SLC44A3: variants seen among roughly 807,000 people sequenced by gnomAD.
SLC44A3 encodes choline transporter-like protein 3.
In SLC44A3, 74 loss-of-function variants were observed where a neutral mutation model predicts 75.4. The observed-to-expected ratio is 0.98, with a 90% confidence interval of 0.81 to 1.19. The LOEUF is 1.19. Among genes scored for constraint, SLC44A3 ranks in the 50% most tolerant of loss-of-function variants. The pLI is 0.00. For missense variants in SLC44A3, 700 were observed against 778.6 expected (o/e 0.90, Z 1.20); for synonymous variants, 310 against 296.9 (o/e 1.04, Z -0.45).
intron 11 of SLC44A3, 102 bp downstream of exon 11, chr1:94,865,001 G>A: frequency 7.7e-7 from 1 of 1,290,534 alleles, no homozygotes; most frequent in Non-Finnish European, 1.1e-6. Flanking sequence ...TGTGACCTGT[G>A]ACAGCGGGCC....
At chr1:94,865,202 G>C (rs1667017530) in intron 11 of SLC44A3, among the ~76,000 whole-genome samples, 1 of 152,130 alleles carries the variant, frequency 6.6e-6, no homozygotes, top group Non-Finnish European at 1.5e-5. Flanking sequence ...AAACAGACGG[G>C]ATGAACTCTT....
intron 12 of SLC44A3, among the ~76,000 whole-genome samples, chr1:94,879,573 T>C (rs1285727771): frequency 1.4e-5 from 2 of 139,934 alleles, no homozygotes; most frequent in African/African-American, 5.4e-5. Context: ...GGCGCAGTGG[T>C]TCATGCCTGT....
At chr1:94,860,964 T>C (rs1048894201) in intron 10 of SLC44A3, among the ~76,000 whole-genome samples, 3 of 151,758 alleles carry the variant, frequency 2.0e-5, no homozygotes, top group African/African-American at 2.4e-5. Flanking sequence ...GAAAAGAAAA[T>C]GGAACTGAGG....
At position 94,864,843 on chromosome 1, in the gene SLC44A3, G is replaced by A. The variant is rs769429169; in HGVS notation, c.1339G>A (p.Val447Met). ...TVVKGSFLIS[V>M]VRIPRIIVMY... is the part of the protein sequence containing the mutation. ...TGTGAAAGGGTCATTTTTAATCTCT[G>A]TGGTGAGGATTCCGAGAATCATTGT... is the stretch of plus-strand genomic sequence containing the variant. The change falls in exon 11 of 15, where the codon GTG becomes ATG. Residue 447 changes from valine to methionine, a missense_variant. Physicochemically the swap from Val to Met is conservative, Grantham distance 21. Transcript: ENST00000271227. 4 of 1,614,026 alleles carry A rather than the reference G, an allele frequency of 2.5e-6. No individual in the cohort carries two copies. In the South Asian group the frequency reaches 3.3e-5, roughly 13 times the overall value.
Position 94,824,651 on chromosome 1 carries a change from A to G in SLC44A3, c.278+16A>G. The G allele has an allele frequency of 1.9e-6, 3 of 1,554,790 alleles. No individual in the cohort carries two copies. The highest frequency in any genetic ancestry group is 2.6e-6 in the Non-Finnish European group (3 of 1,155,326). ...CCCTAAAAAAGTAAGTATCTAAATAAGTCCCCAGTCTGTAAGGAACTGTAC... is the reference window on the plus strand; with the variant it reads ...CCCTAAAAAAGTAAGTATCTAAATAGGTCCCCAGTCTGTAAGGAACTGTAC... On this transcript the variant is annotated intron_variant, in intron 3 of 14. Coordinates refer to ENST00000271227, the MANE Select transcript of SLC44A3 (RefSeq NM_001114106.3).
In SLC44A3 at chr1:94,837,821, G is replaced by A; in HGVS notation, c.620G>A (p.Gly207Glu). The A allele has an allele frequency of 1.2e-6, 2 of 1,612,274 alleles. No individual in the cohort carries two copies. The highest frequency in any genetic ancestry group is 2.7e-5 in the African/African-American group (2 of 74,920). The change falls in exon 6 of 15, where the codon GGA becomes GAA. Residue 207 changes from glycine (G) to glutamate (E), a missense_variant. Coordinates refer to ENST00000271227, the MANE Select transcript of SLC44A3 (RefSeq NM_001114106.3). ...GACACCCTCCACCGAATTCTAAGTG[G>A]AATCATGTCGGGAAGAGATACAATC... ...DVDTLHRILS[G>E]IMSGRDTILG...
intron 12 of SLC44A3, among the ~76,000 whole-genome samples, chr1:94,884,201 C>T (rs1345087240): frequency 1.3e-5 from 2 of 152,236 alleles, no homozygotes; most frequent in Non-Finnish European, 2.9e-5. Flanking sequence ...GCTGCAGCCC[C>T]AGGGGACTGG....
chr1:94,884,246 G>A (rs1027775352), intron 12 of SLC44A3, among the ~76,000 whole-genome samples: 2 of 151,606 alleles, frequency 1.3e-5, no homozygotes, highest in East Asian at 3.9e-4. Context: ...TTGGATGTTT[G>A]TTTGCATCCT....
At chr1:94,841,002 T>C (rs1340024393) in intron 7 of SLC44A3, among the ~76,000 whole-genome samples, 1 of 152,182 alleles carries the variant, frequency 6.6e-6, no homozygotes, top group Non-Finnish European at 1.5e-5. Context: ...TTCTGAGAAA[T>C]GCATCACTCA....
rs1486293647 is a variant in SLC44A3, at chr1:94,891,006, ATTTG to A, written c.1483-121_1483-118del. On this transcript the variant is annotated intron_variant, in intron 12 of 14. Coordinates refer to ENST00000271227, the MANE Select transcript of SLC44A3 (RefSeq NM_001114106.3). Reference sequence around the variant, plus strand: ...GACTGGAAAGGACTTTGAAAATGGTATTTGTTATGGGTAGAGAGAGTAGGTTTAT... The same window carrying A: ...GACTGGAAAGGACTTTGAAAATGGTATTATGGGTAGAGAGAGTAGGTTTAT... 9.9e-6 allele frequency: 7 copies of A among 706,762 alleles called. No homozygotes were observed. In the East Asian group the frequency reaches 2.0e-4, roughly 20 times the overall value. The allele number at this position is 706,762 out of a possible 1,614,324, so 43.8% of individuals were successfully genotyped here. A position where few individuals can be genotyped will look rare whatever the true frequency, so the allele number is the denominator to read the frequency against.
At chr1:94,835,360 T>C (rs1186338839) in intron 5 of SLC44A3, among the ~76,000 whole-genome samples, 1 of 152,196 alleles carries the variant, frequency 6.6e-6, no homozygotes, top group East Asian at 1.9e-4. Flanking sequence ...AATTAGATCC[T>C]GGAATAGAAA....
intron 5 of SLC44A3, among the ~76,000 whole-genome samples, chr1:94,831,492 A>G (rs1662124967): frequency 6.6e-6 from 1 of 152,222 alleles, no homozygotes. Context: ...GTGAGGTATA[A>G]CGTACCCTTT....
At position 94,864,751 on chromosome 1, in the gene SLC44A3, A is replaced by G. The variant is rs1472909644; in HGVS notation, c.1247A>G (p.Asn416Ser). 1 of 1,611,958 alleles carries G rather than the reference A, an allele frequency of 6.2e-7. No homozygotes were observed. The highest frequency in any genetic ancestry group is 1.3e-5 in the African/African-American group (1 of 74,818). The change falls in exon 11 of 15, where the codon AAT becomes AGT. Residue 416 changes from asparagine to serine, a missense_variant. Coordinates refer to ENST00000271227, the MANE Select transcript of SLC44A3 (RefSeq NM_001114106.3). The stretch of plus-strand genomic sequence containing the variant: ...CTTTTCCCTATTTCCAGAAGTAAAA[A>G]TGATCCTCCTGATCATCCCATCCTT... The part of the protein sequence containing the change: ...VVTCYFNRSK[N>S]DPPDHPILSS...
In SLC44A3 at chr1:94,839,282, G is replaced by A. The variant is rs529351467; in HGVS notation, c.671-666G>A. On this transcript the variant is annotated intron_variant, in intron 6 of 14. Coordinates refer to ENST00000271227, the MANE Select transcript of SLC44A3 (RefSeq NM_001114106.3). Reference sequence around the variant, plus strand: ...TTAGAACTTTACATAAGCCCAGTATGAAGTCAAAAGATTTAAGTATGATAA... The same window carrying A: ...TTAGAACTTTACATAAGCCCAGTATAAAGTCAAAAGATTTAAGTATGATAA... Among the ~76,000 whole-genome samples the A allele has an allele frequency of 8.8e-5, 12 of 136,760 alleles. No individual in the cohort carries two copies. In the South Asian group the frequency reaches 2.5e-3, roughly 28 times the overall value. The allele number at this position is 136,760 out of a possible 152,430, so 89.7% of individuals were successfully genotyped here. A position where few individuals can be genotyped will look rare whatever the true frequency, so the allele number is the denominator to read the frequency against.
intron 5 of SLC44A3, among the ~76,000 whole-genome samples, chr1:94,831,849 G>A (rs1384883603): frequency 6.6e-6 from 1 of 152,168 alleles, no homozygotes; most frequent in Non-Finnish European, 1.5e-5. Flanking sequence ...AAGCAGAAGT[G>A]GTGAAGAAAC....
At chr1:94,883,869 T>G (rs1669269109) in intron 12 of SLC44A3, among the ~76,000 whole-genome samples, 1 of 152,120 alleles carries the variant, frequency 6.6e-6, no homozygotes, top group African/African-American at 2.4e-5. Context: ...ATGGAGAGTA[T>G]GAGTTCATTA....
chr1:94,892,161 T>C (rs1293229936), intron 13 of SLC44A3, 120 bp from the exon 14 acceptor site: 1 of 931,850 alleles, frequency 1.1e-6, no homozygotes, highest in Admixed American at 2.4e-5. Flanking sequence ...CAAGCATTCT[T>C]TACAATAGTG....
intron 11 of SLC44A3, 132 bp downstream of exon 11, chr1:94,865,031 T>G (rs969915454): frequency 1.3e-6 from 1 of 774,300 alleles, no homozygotes; most frequent in African/African-American, 1.8e-5. Flanking sequence ...GCTCCTGCAC[T>G]CCTCAGCTCC....
chr1:94,831,182 G>C (rs1662077627), intron 5 of SLC44A3, among the ~76,000 whole-genome samples: 1 of 152,122 alleles, frequency 6.6e-6, no homozygotes, highest in Non-Finnish European at 1.5e-5. Flanking sequence ...GCCAGCCCTA[G>C]TCCTTTTCAC....
Sources: allele counts gnomAD v4.1 joint callset (sites outside exome capture counted in the v4.1 genomes callset), GRCh38; gene constraint gnomAD v4.1.1; transcripts MANE v1.5; gene names NCBI Gene and HGNC (gene_info 2026-07-23, HGNC 2026-07-21).